ASIC2: variants seen among roughly 807,000 people sequenced by gnomAD.
The protein encoded by ASIC2 is acid-sensing ion channel 2.
A neutral mutation model predicts 57.3 loss-of-function variants in ASIC2; 25 were observed. That is an observed-to-expected ratio of 0.44 (90% CI 0.32 to 0.61). The LOEUF (loss-of-function observed/expected upper bound fraction) is 0.61. Ranked by LOEUF, ASIC2 falls within the 20% of genes least tolerant of loss-of-function variation. The probability of loss-of-function intolerance (pLI) is 0.06; values close to 1 mark genes in which losing one functional copy is unlikely to be tolerated. For missense variants in ASIC2, 641 were observed against 738.1 expected, an observed-to-expected ratio of 0.87 and a Z score of 1.52; for synonymous variants, 319 against 307.5, an observed-to-expected ratio of 1.04 and a Z score of -0.39.
intron 3 of ASIC2, among the ~76,000 whole-genome samples, chr17:33,060,999 G>C (rs183025883): frequency 3.9e-5 from 6 of 152,130 alleles, no homozygotes; most frequent in African/African-American, 1.4e-4. Flanking sequence ...TGTAATTTTT[G>C]CATATTGATT....
At chr17:33,902,046 T>C (rs961635053) in intron 1 of ASIC2, among the ~76,000 whole-genome samples, 1 of 152,114 alleles carries the variant, frequency 6.6e-6, no homozygotes, top group African/African-American at 2.4e-5. Context: ...TACCTAGACA[T>C]CTGGCTGTGA....
At chr17:33,365,383 G>GTTT (rs5820036) in intron 1 of ASIC2, among the ~76,000 whole-genome samples, 2 of 149,384 alleles carry the variant, frequency 1.3e-5, no homozygotes, top group East Asian at 3.9e-4. Context: ...ACTGGGTCTT[G>GTTT]TTTTTTTTTT....
chr17:33,716,895 A>G (rs955158315), intron 1 of ASIC2, among the ~76,000 whole-genome samples: 2 of 152,232 alleles, frequency 1.3e-5, no homozygotes, highest in Non-Finnish European at 2.9e-5. Flanking sequence ...AGGCACTTCA[A>G]TATAGCATGT....
At chr17:33,257,498 C>T (rs538466283) in intron 1 of ASIC2, among the ~76,000 whole-genome samples, 1 of 152,286 alleles carries the variant, frequency 6.6e-6, no homozygotes, top group South Asian at 2.1e-4. Context: ...AGTGAGGTAA[C>T]TTATCTAAGG....
intron 1 of ASIC2, among the ~76,000 whole-genome samples, chr17:33,517,095 T>A (rs917909465): frequency 5.3e-5 from 8 of 152,198 alleles, no homozygotes; most frequent in Admixed American, 2.6e-4. Flanking sequence ...AACCTCTATC[T>A]TAGTTATACC....
At chr17:33,132,375 A>G (rs756724223) in intron 1 of ASIC2, among the ~76,000 whole-genome samples, 5 of 152,146 alleles carry the variant, frequency 3.3e-5, no homozygotes, top group Admixed American at 6.5e-5. Context: ...AAACCGGTTA[A>G]GTGTTTAGAA....
At chr17:33,312,202 T>G (rs372973006) in intron 1 of ASIC2, among the ~76,000 whole-genome samples, 1 of 152,202 alleles carries the variant, frequency 6.6e-6, no homozygotes, top group Non-Finnish European at 1.5e-5. Flanking sequence ...GCAATATAGG[T>G]AACCTGTTAA....
intron 1 of ASIC2, among the ~76,000 whole-genome samples, chr17:33,307,292 CT>C (rs1906223041): frequency 2.0e-5 from 3 of 151,184 alleles, no homozygotes; most frequent in African/African-American, 4.9e-5. Context: ...TCTTCTTCTT[CT>C]TCTTCTTCTT....
chr17:33,443,756 G>T (rs981823444), intron 1 of ASIC2, among the ~76,000 whole-genome samples: 1 of 152,116 alleles, frequency 6.6e-6, no homozygotes, highest in Admixed American at 6.5e-5. Context: ...TTATTTACTT[G>T]TTAGAGAGAG....
chr17:33,756,690 C>T (rs1910613881), intron 1 of ASIC2, among the ~76,000 whole-genome samples: 2 of 151,774 alleles, frequency 1.3e-5, no homozygotes, highest in Non-Finnish European at 1.5e-5. Flanking sequence ...TTACTAAACA[C>T]TTAGAGAACC....
intron 1 of ASIC2, among the ~76,000 whole-genome samples, chr17:33,230,711 G>A (rs1234837830): frequency 1.3e-5 from 2 of 152,074 alleles, no homozygotes; most frequent in Non-Finnish European, 2.9e-5. Flanking sequence ...GGGGTAAGAA[G>A]GGGGGTAAGA....
chr17:33,770,318 G>C (rs1356921136), intron 1 of ASIC2, among the ~76,000 whole-genome samples: 3 of 152,218 alleles, frequency 2.0e-5, no homozygotes, highest in Non-Finnish European at 4.4e-5. Context: ...CTGACCCCTA[G>C]TGTCTTCCTC....
chr17:33,494,630 T>C (rs1913869593), intron 1 of ASIC2, among the ~76,000 whole-genome samples: 2 of 151,970 alleles, frequency 1.3e-5, no homozygotes, highest in African/African-American at 4.8e-5. Context: ...GCAGCACACA[T>C]TGTGGGGTCA....
intron 1 of ASIC2, among the ~76,000 whole-genome samples, chr17:33,797,620 A>G (rs758074755): frequency 3.9e-5 from 6 of 152,236 alleles, no homozygotes; most frequent in Admixed American, 6.5e-5. Context: ...TGATGGGTTC[A>G]TTCACTGGTC....
chr17:34,094,518 T>C (rs1910450025), intron 1 of ASIC2, among the ~76,000 whole-genome samples: 1 of 152,202 alleles, frequency 6.6e-6, no homozygotes, highest in African/African-American at 2.4e-5. Flanking sequence ...ATGAGGATGA[T>C]ACATGGGAAA....
chr17:34,073,442 T>C (rs1169254203), intron 1 of ASIC2, among the ~76,000 whole-genome samples: 1 of 152,150 alleles, frequency 6.6e-6, no homozygotes, highest in East Asian at 1.9e-4. Context: ...AGAAGGACTG[T>C]AGGGAAAGTT....
At chr17:33,671,506 C>T (rs975739118) in intron 1 of ASIC2, among the ~76,000 whole-genome samples, 1 of 152,094 alleles carries the variant, frequency 6.6e-6, no homozygotes, top group Non-Finnish European at 1.5e-5. Flanking sequence ...GACTGACAGC[C>T]AGAATGGGAT....
intron 1 of ASIC2, among the ~76,000 whole-genome samples, chr17:33,859,932 G>T (rs1014385379): frequency 1.3e-5 from 2 of 152,162 alleles, no homozygotes; most frequent in Admixed American, 1.3e-4. Flanking sequence ...CAGTCCTTCT[G>T]CCTTGAATCT....
chr17:33,230,384 C>A (rs1326583321), intron 1 of ASIC2, among the ~76,000 whole-genome samples: 3 of 152,230 alleles, frequency 2.0e-5, no homozygotes, highest in African/African-American at 7.2e-5. Context: ...CTATCCAGGA[C>A]AAAAGGAAGG....
Sources: gnomAD v4.1 joint callset for allele counts (sites outside exome capture counted in the v4.1 genomes callset) on GRCh38, gnomAD v4.1.1 for gene constraint, MANE v1.5 for transcripts, NCBI Gene and HGNC (gene_info 2026-07-23, HGNC 2026-07-21) for gene names.